Variants in ZNF462 observed in about 807,000 individuals in gnomAD.
ZNF462 encodes zinc finger PBX1-interacting protein.
Under a neutral mutation model 201.9 loss-of-function variants are expected in ZNF462, and 10 were observed. The observed-to-expected ratio is 0.05, with a 90% confidence interval of 0.03 to 0.08. The LOEUF (loss-of-function observed/expected upper bound fraction) is 0.08, where lower values mean the gene tolerates loss of function less well. ZNF462 is among the 10% of genes least tolerant of loss of function. ZNF462 has a pLI of 1.00. For synonymous variants in ZNF462, 1,227 were observed against 1,193.3 expected, an observed-to-expected ratio of 1.03 and a Z score of -0.58; for missense variants, 2,523 against 3,168.3, an observed-to-expected ratio of 0.80 and a Z score of 4.89.
intron 1 of ZNF462, among the ~76,000 whole-genome samples, chr9:106,873,427 T>G (rs1827685248): frequency 6.6e-6 from 1 of 152,078 alleles, no homozygotes; most frequent in African/African-American, 2.4e-5. Context: ...TTTTTTTTTT[T>G]GTAGAAAAGG....
In ZNF462 at chr9:106,876,680, A is replaced by G. The variant is rs187938347; in HGVS notation, c.-31+13325A>G. On this transcript the variant is annotated intron_variant, in intron 1 of 12. Coordinates refer to ENST00000277225, the MANE Select transcript of ZNF462 (RefSeq NM_021224.6). The surrounding 1 kb of genome is among the most constrained non-coding windows in gnomAD (Gnocchi z 4.9). ...AACAACGCCTTCAACCTGACCTTGC[A>G]GAGCTATTCCCTGGAGTGTTGTAGG... Among the ~76,000 whole-genome samples the G allele has an allele frequency of 2.0e-3, 300 of 152,340 alleles. 1 individual carries two copies. The highest frequency in any genetic ancestry group is 6.9e-3 in the African/African-American group (287 of 41,578).
At position 106,923,344 on chromosome 9, in the gene ZNF462, T is replaced by C. The variant is rs1190421137; in HGVS notation, c.-30-10T>C. The C allele has an allele frequency of 6.2e-7, 1 of 1,603,524 alleles. No homozygotes were observed. Among genetic ancestry groups the C allele is most frequent in the Non-Finnish European group, 8.5e-7 (1 of 1,171,180 alleles). On this transcript the variant is annotated splice_polypyrimidine_tract_variant and intron_variant, in intron 1 of 12. Coordinates refer to ENST00000277225, the MANE Select transcript of ZNF462 (RefSeq NM_021224.6). This position sits in a 1 kb window ranked among gnomAD's most constrained non-coding sequence, Gnocchi z 5.6. ...TTCCTTAAGATGTTTTGTTCTGACTTCTGCCACAGGTTCCTAATGTGAGAG... is the reference window on the plus strand; with the variant it reads ...TTCCTTAAGATGTTTTGTTCTGACTCCTGCCACAGGTTCCTAATGTGAGAG...
chr9:106,891,034 TA>T (rs1292212338), intron 1 of ZNF462, among the ~76,000 whole-genome samples: 1 of 152,084 alleles, frequency 6.6e-6, no homozygotes, highest in Non-Finnish European at 1.5e-5. Flanking sequence ...GCTAATTTAG[TA>T]AAAAAGTCAG....
chr9:106,931,570 A>G (rs1830428776), intron 4 of ZNF462, among the ~76,000 whole-genome samples: 1 of 152,196 alleles, frequency 6.6e-6, no homozygotes, highest in East Asian at 1.9e-4. Flanking sequence ...GTGGCAACCC[A>G]GGGATATCAG....
In ZNF462 at chr9:106,890,284, G is replaced by T. The variant is rs1442623670; in HGVS notation, c.-31+26929G>T. 6.6e-6 allele frequency among the ~76,000 whole-genome samples: 1 copy of T among 152,220 alleles called. No homozygotes were observed. The highest frequency in any genetic ancestry group is 1.5e-5 in the Non-Finnish European group (1 of 68,032). On this transcript the variant is annotated intron_variant, in intron 1 of 12. Transcript: ENST00000277225. The surrounding 1 kb of genome is among the most constrained non-coding windows in gnomAD (Gnocchi z 4.2). ...GCCTATGTTCCACAATCATTTGTGT[G>T]TGTGGACCTCAAGAATTTCAGTCAA...
chr9:106,997,328 T>A (rs974066584), intron 10 of ZNF462, among the ~76,000 whole-genome samples: 3 of 152,088 alleles, frequency 2.0e-5, no homozygotes, highest in African/African-American at 7.2e-5. Flanking sequence ...TTCTGGATAT[T>A]TAACTAAAGG....
At chr9:106,971,840 T>C (rs1826633436) in intron 7 of ZNF462, among the ~76,000 whole-genome samples, 165 bp from the exon 8 acceptor site, 1 of 152,188 alleles carries the variant, frequency 6.6e-6, no homozygotes, top group Non-Finnish European at 1.5e-5. Context: ...CAGATACATA[T>C]ATCAAATCAT....
intron 10 of ZNF462, among the ~76,000 whole-genome samples, chr9:106,990,141 G>T (rs1374910988): frequency 2.0e-4 from 30 of 151,940 alleles, no homozygotes; most frequent in Admixed American, 2.0e-3. Flanking sequence ...TTGGTTCAAA[G>T]AATTTTTAAA....
upstream of ZNF462, among the ~76,000 whole-genome samples, chr9:106,861,383 G>A (rs1326413218): frequency 6.6e-6 from 1 of 152,150 alleles, no homozygotes; most frequent in Non-Finnish European, 1.5e-5. Flanking sequence ...CTTGGGGGGA[G>A]GGAGGAGAAA....
intron 10 of ZNF462, among the ~76,000 whole-genome samples, chr9:106,986,727 T>C (rs1277798640): frequency 6.6e-6 from 1 of 152,178 alleles, no homozygotes; most frequent in Non-Finnish European, 1.5e-5. Flanking sequence ...CCCAGCAGTA[T>C]ACACTGCACC....
chr9:106,860,930 CCTCT>C (rs1483569382), upstream of ZNF462, among the ~76,000 whole-genome samples: 1 of 151,974 alleles, frequency 6.6e-6, no homozygotes, highest in Admixed American at 6.6e-5. The surrounding 1 kb of genome is among the most constrained non-coding windows in gnomAD (Gnocchi z 7.1). Context: ...GCGTCCTCCT[CCTCT>C]CTCCTTTCTT....
chr9:106,955,351 G>A (rs1188230230), intron 7 of ZNF462, among the ~76,000 whole-genome samples: 1 of 152,048 alleles, frequency 6.6e-6, no homozygotes, highest in East Asian at 1.9e-4. Context: ...GTATACAATA[G>A]CATTATGTCT....
In ZNF462 at chr9:106,968,537, GGGTT is replaced by G. The variant is rs368434088; in HGVS notation, c.6428-3441_6428-3438del. Among the ~76,000 whole-genome samples the G allele has an allele frequency of 0.014, 2,063 of 151,972 alleles. 12 individuals carry two copies. Among genetic ancestry groups the G allele is most frequent in the Non-Finnish European group, 0.02 (1,333 of 68,014 alleles). On this transcript the variant is annotated intron_variant, in intron 7 of 12. Coordinates refer to ENST00000277225, the MANE Select transcript of ZNF462 (RefSeq NM_021224.6). The surrounding 1 kb of genome is among the most constrained non-coding windows in gnomAD (Gnocchi z 4.0). ...CTCTTTTCTCAGACTGTATGTGTCAGGGTTGGTTGGTTGGTTGGTTGGTTGGTTG... is the reference window on the plus strand; with the variant it reads ...CTCTTTTCTCAGACTGTATGTGTCAGGGTTGGTTGGTTGGTTGGTTGGTTG...
chr9:106,862,911 G>A (rs1180157936), upstream of ZNF462, among the ~76,000 whole-genome samples: 9 of 151,954 alleles, frequency 5.9e-5, no homozygotes, highest in Admixed American at 5.2e-4. The surrounding 1 kb of genome is among the most constrained non-coding windows in gnomAD (Gnocchi z 4.2). Flanking sequence ...GCACCCCCTG[G>A]TGCTCCGGCG....
rs1163080796 is a variant in ZNF462 at position 106,963,061 on chromosome 9, CT to C, written c.6428-8940del. On this transcript the variant is annotated intron_variant, in intron 7 of 12. Transcript: ENST00000277225. This position sits in a 1 kb window ranked among gnomAD's most constrained non-coding sequence, Gnocchi z 4.7. ...AAAGCTTAGTTTCGAATATAATTTT[CT>C]TTTGGAATAGCCCATAGATAAAGAA... Among the ~76,000 whole-genome samples, 27 of 152,148 alleles carry C rather than the reference CT, an allele frequency of 1.8e-4. No homozygotes were observed. Among genetic ancestry groups the C allele is most frequent in the African/African-American group, 6.5e-4 (27 of 41,556 alleles).
At chr9:106,941,622 A>C (rs1049244918) in intron 7 of ZNF462, among the ~76,000 whole-genome samples, 1 of 152,258 alleles carries the variant, frequency 6.6e-6, no homozygotes, top group African/African-American at 2.4e-5. Context: ...TTTAATGTAT[A>C]TAAATGACCT....
intron 7 of ZNF462, among the ~76,000 whole-genome samples, chr9:106,941,794 A>G (rs911671056): frequency 1.3e-5 from 2 of 152,246 alleles, no homozygotes; most frequent in African/African-American, 4.8e-5. Flanking sequence ...TAGATTTTGT[A>G]TAGTTTTGCA....
intron 1 of ZNF462, among the ~76,000 whole-genome samples, chr9:106,896,354 G>A (rs1178429388): frequency 6.6e-6 from 1 of 152,098 alleles, no homozygotes; most frequent in Non-Finnish European, 1.5e-5. Flanking sequence ...AAAAAATGAG[G>A]GCAGAGAGCT....
chr9:106,997,842 C>G (rs1055586658), intron 10 of ZNF462, among the ~76,000 whole-genome samples: 6 of 152,080 alleles, frequency 3.9e-5, no homozygotes, highest in Admixed American at 2.0e-4. Context: ...TAAGGATGGT[C>G]TTGACATGTT....
Sources: gnomAD v4.1 joint callset for allele counts (sites outside exome capture counted in the v4.1 genomes callset) on GRCh38, gnomAD v4.1.1 for gene constraint, Gnocchi (gnomAD v3.1) non-coding constraint, MANE v1.5 for transcripts, NCBI Gene and HGNC (gene_info 2026-07-23, HGNC 2026-07-21) for gene names.